ADGRD1: variants seen among roughly 807,000 people sequenced by gnomAD.
ADGRD1 encodes adhesion G protein-coupled receptor D1.
A neutral mutation model predicts 113.4 loss-of-function variants in ADGRD1; 77 were observed. The ratio of observed to expected loss-of-function variants is 0.68; its 90% CI spans 0.57 to 0.82. The LOEUF (loss-of-function observed/expected upper bound fraction) is 0.82. Among genes scored for constraint, ADGRD1 ranks in the 40% least tolerant of loss-of-function variants. The pLI is 0.00. For missense variants in ADGRD1, 1,036 were observed against 1,139.1 expected (o/e 0.91, Z 1.30); for synonymous variants, 474 against 475.0 (o/e 1.00, Z 0.03).
chr12:131,078,534 GA>G (rs2137177819), intron 14 of ADGRD1, among the ~76,000 whole-genome samples: 1 of 152,238 alleles, frequency 6.6e-6, no homozygotes, highest in African/African-American at 2.4e-5. Flanking sequence ...ACTGTTTGGA[GA>G]AAAAAATTAT....
intron 24 of ADGRD1, 65 bp from the exon 25 acceptor site, chr12:131,139,103 C>A (rs1288780913): frequency 3.1e-6 from 4 of 1,281,644 alleles, no homozygotes; most frequent in Non-Finnish European, 4.5e-6. Flanking sequence ...TCCCCGCACT[C>A]ACTGGGCTTA....
intron 2 of ADGRD1, among the ~76,000 whole-genome samples, chr12:130,958,529 A>C (rs1869955065): frequency 6.6e-6 from 1 of 152,056 alleles, no homozygotes; most frequent in African/African-American, 2.4e-5. Context: ...TTCTCTTCCG[A>C]CATCTCAGGC....
intron 3 of ADGRD1, chr12:130,969,015 A>G (rs1565988205): frequency 1.3e-6 from 2 of 1,535,374 alleles, no homozygotes; most frequent in Non-Finnish European, 1.7e-6. Context: ...TCCTTCCCGT[A>G]ATGCTACTTT....
At chr12:131,000,725 A>G (rs1398304755) in intron 9 of ADGRD1, among the ~76,000 whole-genome samples, 3 of 139,488 alleles carry the variant, frequency 2.2e-5, no homozygotes, top group Non-Finnish European at 4.5e-5. Context: ...TGGGCAACAG[A>G]GTGAGACTCT....
At chr12:131,105,622 G>A in intron 16 of ADGRD1, 132 bp from the exon 17 acceptor site, 1 of 658,406 alleles carries the variant, frequency 1.5e-6, no homozygotes, top group African/African-American at 1.8e-5. Context: ...ATGGTCCACA[G>A]CAGGGAGTGA....
chr12:131,117,329 CAAAAAGGGA>C (rs1001683393), intron 18 of ADGRD1, among the ~76,000 whole-genome samples: 1 of 152,054 alleles, frequency 6.6e-6, no homozygotes, highest in African/African-American at 2.4e-5. Context: ...CTGGCTAAGG[CAAAAAGGGA>C]ATGTGATGGC....
intron 14 of ADGRD1, among the ~76,000 whole-genome samples, chr12:131,080,781 C>T (rs1055390470): frequency 1.3e-5 from 2 of 152,018 alleles, no homozygotes; most frequent in Non-Finnish European, 2.9e-5. Context: ...CCACCACGCC[C>T]GGCTAATTTT....
At chr12:131,004,394 T>TGCGGTGCTCCCCCGGGCCGCCG in intron 11 of ADGRD1, 98 bp downstream of exon 11, 1 of 916,148 alleles carries the variant, frequency 1.1e-6, no homozygotes, top group Non-Finnish European at 1.7e-6. Flanking sequence ...GCCAGGGAGC[T>TGCGGTGCTCCCCCGGGCCGCCG]GCGGTGCTCC....
At chr12:131,008,585 G>T (rs115214245) in intron 12 of ADGRD1, among the ~76,000 whole-genome samples, 439 of 152,336 alleles carry the variant, frequency 2.9e-3, no homozygotes, top group African/African-American at 9.9e-3. Flanking sequence ...TGACGGAGGG[G>T]ATGATATCTG....
chr12:131,101,373 C>CTTTT (rs796951608), intron 15 of ADGRD1, among the ~76,000 whole-genome samples: 29 of 79,330 alleles, frequency 3.7e-4, no homozygotes, highest in Non-Finnish European at 4.5e-4. Context: ...CTTTTTCTTT[C>CTTTT]TTTCTTTTTT....
At chr12:131,087,509 G>A (rs1468440166) in intron 15 of ADGRD1, among the ~76,000 whole-genome samples, 1 of 152,250 alleles carries the variant, frequency 6.6e-6, no homozygotes, top group African/African-American at 2.4e-5. Flanking sequence ...TGCGTGCCGG[G>A]GCTTTCCGGC....
At chr12:131,124,213 C>T (rs1593256338) in intron 20 of ADGRD1, among the ~76,000 whole-genome samples, 1 of 152,170 alleles carries the variant, frequency 6.6e-6, no homozygotes, top group East Asian at 1.9e-4. Context: ...AAGTCATCAG[C>T]CTTATTTCCA....
rs550398474 is a variant in ADGRD1 at position 131,088,498 on chromosome 12, G to C, written c.1671+3835G>C. Among the ~76,000 whole-genome samples the C allele has an allele frequency of 1.2e-4, 18 of 152,340 alleles. No homozygotes were observed. The South Asian group carries it at 3.3e-3, about 28-fold the overall frequency. ...AGGAGGGCCTGCCTGAGAAGGTGGC[G>C]GTGGATTTTACATCTCAGGGTGGAG... On this transcript the variant is annotated intron_variant, in intron 15 of 24. Transcript: ENST00000261654.
At chr12:131,058,688 G>T (rs934142624) in intron 13 of ADGRD1, among the ~76,000 whole-genome samples, 3 of 152,118 alleles carry the variant, frequency 2.0e-5, no homozygotes, top group African/African-American at 4.8e-5. Context: ...GAGAGAGGCC[G>T]CTCCCTTCCA....
chr12:131,054,299 C>G (rs1300646154), intron 13 of ADGRD1, among the ~76,000 whole-genome samples: 9 of 152,238 alleles, frequency 5.9e-5, no homozygotes, highest in Admixed American at 5.2e-4. Flanking sequence ...CACCTCCCTC[C>G]CCTGTCCCAA....
chr12:130,997,571 G>C (rs1566014528), intron 8 of ADGRD1, among the ~76,000 whole-genome samples: 1 of 151,486 alleles, frequency 6.6e-6, no homozygotes. Context: ...AGACGGGGCG[G>C]CGGGGCAAAG....
intron 8 of ADGRD1, among the ~76,000 whole-genome samples, chr12:130,997,213 G>T (rs1875643314): frequency 1.5e-5 from 2 of 134,668 alleles, no homozygotes. Context: ...CGGGGCAGCT[G>T]GCCGGGCAGA....
In ADGRD1 at chr12:130,966,038, T is replaced by G. The variant is rs1205742572; in HGVS notation, c.104-425T>G. Among the ~76,000 whole-genome samples, 2 of 152,254 alleles carry G rather than the reference T, an allele frequency of 1.3e-5. No individual in the cohort carries two copies. Among genetic ancestry groups the G allele is most frequent in the African/African-American group, 4.8e-5 (2 of 41,464 alleles). ...GTCTGGCATACCATTCATGTTAGTT[T>G]TCTCCTCTTTTAAAATGATTTTACC... is the stretch of plus-strand genomic sequence containing the variant. On this transcript the variant is annotated intron_variant, in intron 2 of 24. Transcript: ENST00000261654. The surrounding 1 kb of genome is among the most constrained non-coding windows in gnomAD (Gnocchi z 4.6).
At chr12:131,091,400 C>T (rs896765899) in intron 15 of ADGRD1, among the ~76,000 whole-genome samples, 1 of 152,090 alleles carries the variant, frequency 6.6e-6, no homozygotes, top group African/African-American at 2.4e-5. Flanking sequence ...AATACATCCA[C>T]GCTAAGGGAG....
Sources: gnomAD v4.1 joint callset for allele counts (sites outside exome capture counted in the v4.1 genomes callset) on GRCh38, gnomAD v4.1.1 for gene constraint, Gnocchi (gnomAD v3.1) non-coding constraint, MANE v1.5 for transcripts, NCBI Gene and HGNC (gene_info 2026-07-23, HGNC 2026-07-21) for gene names.